The following MYO3A variants were observed in gnomAD, a reference collection of about 807,000 sequenced individuals.
MYO3A encodes myosin-IIIa.
A neutral mutation model predicts 192.7 loss-of-function variants in MYO3A; 180 were observed. That is an observed-to-expected ratio of 0.93 (90% CI 0.83 to 1.06). The LOEUF (loss-of-function observed/expected upper bound fraction) is 1.06. MYO3A is among the 50% of genes least tolerant of loss of function. MYO3A has a pLI of 0.00. For synonymous variants in MYO3A, 628 were observed against 645.3 expected, an observed-to-expected ratio of 0.97 and a Z score of 0.41; for missense variants, 1,896 against 1,905.0, an observed-to-expected ratio of 1.00 and a Z score of 0.09.
intron 31 of MYO3A, among the ~76,000 whole-genome samples, chr10:26,188,101 C>T (rs957120475): frequency 1.3e-5 from 2 of 152,160 alleles, no homozygotes; most frequent in Non-Finnish European, 2.9e-5. Flanking sequence ...AGTTTACAGT[C>T]CCACCAACAG....
chr10:25,942,368 C>G (rs1836555105), intron 2 of MYO3A, among the ~76,000 whole-genome samples: 2 of 152,174 alleles, frequency 1.3e-5, no homozygotes, highest in South Asian at 4.1e-4. Flanking sequence ...TAGGTTGTTT[C>G]TGTCTTTGGC....
At chr10:26,188,837 A>T (rs557724731) in intron 31 of MYO3A, among the ~76,000 whole-genome samples, 40 of 152,112 alleles carry the variant, frequency 2.6e-4, no homozygotes, top group African/African-American at 9.4e-4. Context: ...GTTCTGTTCC[A>T]TTGGTCTATA....
At chr10:26,207,069 G>C (rs1175445212) in intron 34 of MYO3A, among the ~76,000 whole-genome samples, 1 of 147,198 alleles carries the variant, frequency 6.8e-6, no homozygotes. Context: ...TTCTGTTTGG[G>C]TTTTTTTTTT....
In MYO3A at chr10:26,211,896, AC is replaced by A; in HGVS notation, c.4788del (p.Tyr1597ThrfsTer58). 6.2e-7 allele frequency: 1 copy of A among 1,613,846 alleles called. No homozygotes were observed. The highest frequency in any genetic ancestry group is 1.1e-5 in the South Asian group (1 of 91,000). ...EKEEEREPAA[N>X]PYDFRRLLRK... ...GAGGAGGAGAGAGAGCCAGCAGCCA[AC>A]CCCTACGACTTCAGGAGGCTCCTGC... On this transcript the variant is annotated frameshift_variant, in exon 35 of 35. Transcript: ENST00000642920. LOFTEE classifies it high-confidence loss of function.
chr10:26,036,537 GTAAT>G (rs1843050336), intron 10 of MYO3A, among the ~76,000 whole-genome samples: 1 of 152,168 alleles, frequency 6.6e-6, no homozygotes, highest in African/African-American at 2.4e-5. Flanking sequence ...ATTTTCTCTA[GTAAT>G]TAATACTGTA....
chr10:26,142,211 C>A (rs1158221704), intron 20 of MYO3A, among the ~76,000 whole-genome samples: 3 of 152,212 alleles, frequency 2.0e-5, no homozygotes, highest in Non-Finnish European at 4.4e-5. Flanking sequence ...GGGAATGTCA[C>A]ATAGTGTTCC....
Position 25,998,547 on chromosome 10 carries a change from G to A in MYO3A, c.508+1289G>A, listed in dbSNP as rs547729073. Among the ~76,000 whole-genome samples the A allele has an allele frequency of 3.3e-5, 5 of 151,990 alleles. No homozygotes were observed. In the South Asian group the frequency reaches 1.0e-3, roughly 31 times the overall value. ...CTGTCTGGGTTAGTGTACTAATAAG[G>A]GCTTCTGCTTGAAATTACAACAAAT... On this transcript the variant is annotated intron_variant, in intron 6 of 34. Coordinates refer to ENST00000642920, the MANE Select transcript of MYO3A (RefSeq NM_017433.5).
intron 4 of MYO3A, among the ~76,000 whole-genome samples, chr10:25,994,524 A>G (rs111921349): frequency 0.043 from 6,558 of 152,204 alleles, 179 homozygotes; most frequent in Middle Eastern, 0.068. Flanking sequence ...TTTAAGGTTA[A>G]TATTGTTATG....
rs141278919 is a variant in MYO3A, at chr10:26,150,297, T to C, written c.2635+2738T>C. On this transcript the variant is annotated intron_variant, in intron 23 of 34. Coordinates refer to ENST00000642920, the MANE Select transcript of MYO3A (RefSeq NM_017433.5). Reference sequence around the variant, plus strand: ...TTATGAGGAATATTGCACTATAGTTTTCTTATGCTTCATTTTGTGACTTTG... The same window carrying C: ...TTATGAGGAATATTGCACTATAGTTCTCTTATGCTTCATTTTGTGACTTTG... Among the ~76,000 whole-genome samples the C allele has an allele frequency of 6.6e-5, 10 of 152,338 alleles. No individual in the cohort carries two copies. In the East Asian group the frequency reaches 1.9e-3, roughly 29 times the overall value.
intron 10 of MYO3A, among the ~76,000 whole-genome samples, chr10:26,049,419 A>C (rs1475822265): frequency 6.6e-6 from 1 of 152,110 alleles, no homozygotes; most frequent in East Asian, 1.9e-4. Flanking sequence ...ATAGGGCAAT[A>C]GCTGGAAAGG....
rs138955440 is a variant in MYO3A at position 26,170,493 on chromosome 10, A to G, written c.3352A>G (p.Thr1118Ala). Residue 1118 changes from threonine to alanine, a missense_variant, in exon 29 of 35, where the codon ACT (threonine) becomes GCT (alanine). Thr to Ala is a moderately conservative substitution (Grantham distance 58). Coordinates refer to ENST00000642920, the MANE Select transcript of MYO3A (RefSeq NM_017433.5). ...AAACACAGCAGTAACAACCATTCAA[A>G]CTTCTGATCAGGAATTCGACTACAA... Reference protein sequence around the residue: ...MKNTAVTTIQTSDQEFDYKKN... With the variant: ...MKNTAVTTIQASDQEFDYKKN... The G allele has an allele frequency of 3.5e-4, 562 of 1,613,174 alleles. 4 individuals are homozygous for G. Among genetic ancestry groups the G allele is most frequent in the Admixed American group, 5.0e-4 (30 of 59,978 alleles).
intron 10 of MYO3A, among the ~76,000 whole-genome samples, chr10:26,062,700 T>C (rs1348280131): frequency 6.6e-6 from 1 of 151,978 alleles, no homozygotes; most frequent in African/African-American, 2.4e-5. Flanking sequence ...CTGTACACCT[T>C]AGGATGATAG....
chr10:26,202,635 G>A lies in MYO3A; in HGVS notation c.4587-329G>A, dbSNP rs564975547. 9.2e-6 allele frequency: 3 copies of A among 324,922 alleles called. No individual in the cohort carries two copies. In the East Asian group the frequency reaches 2.3e-4, roughly 25 times the overall value. 20.1% of individuals were successfully genotyped at this position (324,922 alleles called of 1,614,324 possible). On this transcript the variant is annotated intron_variant, in intron 33 of 34. Coordinates refer to ENST00000642920, the MANE Select transcript of MYO3A (RefSeq NM_017433.5). The stretch of plus-strand genomic sequence containing the variant: ...TCTGATAATGGCCTAAAGGTCAGTA[G>A]TGACTGCTGATCTGGACTGGCCAAA...
intron 14 of MYO3A, among the ~76,000 whole-genome samples, chr10:26,079,627 G>A (rs1835798258): frequency 6.6e-6 from 1 of 152,042 alleles, no homozygotes; most frequent in African/African-American, 2.4e-5. Flanking sequence ...TGTGATTTAT[G>A]CTTTAAAGAT....
At position 26,075,754 on chromosome 10, in the gene MYO3A, T is replaced by C. The variant is rs561680125; in HGVS notation, c.1359+5353T>C. On this transcript the variant is annotated intron_variant, in intron 14 of 34. Transcript: ENST00000642920. ...ATATATGTCTCTCATATATATGATA[T>C]ATATATGTCTCTCTCATATATATAT... is the stretch of plus-strand genomic sequence containing the variant. Among the ~76,000 whole-genome samples, 5 of 147,286 alleles carry C rather than the reference T, an allele frequency of 3.4e-5. No individual in the cohort carries two copies. In the South Asian group the frequency reaches 1.1e-3, roughly 31 times the overall value.
At chr10:26,036,459 T>C (rs546736210) in intron 10 of MYO3A, among the ~76,000 whole-genome samples, 69 of 152,284 alleles carry the variant, frequency 4.5e-4, no homozygotes, top group Non-Finnish European at 7.5e-4. Context: ...AGTTTGCCTA[T>C]GTTATTAGTA....
intron 10 of MYO3A, among the ~76,000 whole-genome samples, chr10:26,028,600 G>A (rs1333195629): frequency 6.6e-6 from 1 of 152,174 alleles, no homozygotes; most frequent in Non-Finnish European, 1.5e-5. Context: ...AAATTGAAGT[G>A]TATTCACATT....
intron 4 of MYO3A, among the ~76,000 whole-genome samples, chr10:25,976,732 C>A (rs1399861352): frequency 6.6e-6 from 1 of 151,844 alleles, no homozygotes; most frequent in African/African-American, 2.4e-5. Flanking sequence ...GATTAAAGAA[C>A]ACTAAGGTCT....
intron 13 of MYO3A, 36 bp from the exon 14 acceptor site, chr10:26,070,281 GA>G (rs1212378814): frequency 6.2e-7 from 1 of 1,606,322 alleles, no homozygotes; most frequent in South Asian, 1.1e-5. Context: ...TAATTTTGAG[GA>G]TAAGGTCTTC....
Sources: gnomAD v4.1 joint callset for allele counts (sites outside exome capture counted in the v4.1 genomes callset) on GRCh38, gnomAD v4.1.1 for gene constraint, MANE v1.5 for transcripts, NCBI Gene and HGNC (gene_info 2026-07-23, HGNC 2026-07-21) for gene names.